The following ATP7B variants were observed in gnomAD, a reference collection of about 807,000 sequenced individuals.
ATP7B encodes the protein copper-transporting ATPase 2.
In ATP7B, 113 loss-of-function variants were observed where a neutral mutation model predicts 118.9. The observed-to-expected ratio is 0.95, with a 90% CI of 0.82 to 1.11. ATP7B has a LOEUF of 1.11. ATP7B is among the 50% of genes most tolerant of loss of function. The pLI, the probability that ATP7B is intolerant of heterozygous loss-of-function variation, is 0.00. For missense variants in ATP7B, 1,867 were observed against 1,871.4 expected, an observed-to-expected ratio of 1.00 and a Z score of 0.04; for synonymous variants, 777 against 727.4, an observed-to-expected ratio of 1.07 and a Z score of -1.10.
At position 51,968,485 on chromosome 13, in the gene ATP7B, T is replaced by G. The variant is rs200212457; in HGVS notation, c.1666A>C (p.Met556Leu). 3 of 1,614,194 alleles carry G rather than the reference T, an allele frequency of 1.9e-6. No individual in the cohort carries two copies. In the South Asian group the frequency reaches 3.3e-5, roughly 18 times the overall value. Residue 556 changes from methionine (M) to leucine (L), a missense_variant, in exon 4 of 21, where the codon ATG becomes CTG. Physicochemically the swap from Met to Leu is conservative, Grantham distance 15. Transcript: ENST00000242839. ...CCATCGGAGCCTGCGTAGTCCTCCATGACTGCTGCCTCAAAACCCAGGTCC... is the reference window on the plus strand; with the variant it reads ...CCATCGGAGCCTGCGTAGTCCTCCAGGACTGCTGCCTCAAAACCCAGGTCC... ...IQDLGFEAAV[M>L]EDYAGSDGNI...
At chr13:51,972,309 C>T (rs141190476) in intron 2 of ATP7B, among the ~76,000 whole-genome samples, 376 of 152,282 alleles carry the variant, frequency 2.5e-3, no homozygotes, top group Middle Eastern at 6.8e-3. Context: ...TTGGCCTCTG[C>T]GGCTCGCATT....
At chr13:51,979,698 T>C (rs1024960465) in intron 1 of ATP7B, among the ~76,000 whole-genome samples, 8 of 152,214 alleles carry the variant, frequency 5.3e-5, no homozygotes, top group African/African-American at 1.9e-4. Context: ...ATCTAGTTTG[T>C]TGGAAAAACA....
In ATP7B at chr13:51,934,321, G is replaced by A; in HGVS notation, c.*435C>T. Reference sequence around the variant, plus strand: ...TAAACTGTGGTCTCAGAAACATGATGCACACAGACAGGCGTCATCAGAAAG... The same window carrying A: ...TAAACTGTGGTCTCAGAAACATGATACACACAGACAGGCGTCATCAGAAAG... On this transcript the variant is annotated 3_prime_UTR_variant, in exon 21 of 21. Coordinates refer to ENST00000242839, the MANE Select transcript of ATP7B (RefSeq NM_000053.4). 3.5e-6 allele frequency: 1 copy of A among 286,230 alleles called. No homozygotes were observed. Among genetic ancestry groups the A allele is most frequent in the South Asian group, 3.9e-5 (1 of 25,926 alleles). 17.7% of individuals were successfully genotyped at this position (286,230 alleles called of 1,614,324 possible).
intron 1 of ATP7B, among the ~76,000 whole-genome samples, chr13:51,979,747 C>T (rs929464709): frequency 3.9e-5 from 6 of 152,092 alleles, no homozygotes; most frequent in Admixed American, 3.9e-4. Flanking sequence ...TTTTGGTCCT[C>T]GCTCCAACTA....
chr13:51,960,350 A>G (rs1400660647), intron 6 of ATP7B, 28 bp from the exon 7 acceptor site: 1 of 1,608,526 alleles, frequency 6.2e-7, no homozygotes, highest in Non-Finnish European at 8.5e-7. Context: ...CAACACAGAT[A>G]TATCAGATGC....
intron 6 of ATP7B, among the ~76,000 whole-genome samples, chr13:51,961,169 T>A (rs993312296): frequency 6.7e-6 from 1 of 150,044 alleles, no homozygotes; most frequent in African/African-American, 2.5e-5. Flanking sequence ...CTGCTTGGAG[T>A]TTTCCTAGAC....
intron 12 of ATP7B, among the ~76,000 whole-genome samples, chr13:51,948,871 AT>A (rs775465262): frequency 6.6e-6 from 1 of 152,162 alleles, no homozygotes; most frequent in Non-Finnish European, 1.5e-5. Flanking sequence ...TTTAGTAAAT[AT>A]TTAACTATTA....
chr13:51,958,888 C>T, intron 7 of ATP7B: 1 of 354,422 alleles, frequency 2.8e-6, no homozygotes, highest in South Asian at 2.8e-5. Context: ...TGGGCTCTAT[C>T]TATAACCCAC....
intron 17 of ATP7B, among the ~76,000 whole-genome samples, chr13:51,938,800 G>A (rs1197339945): frequency 1.3e-5 from 2 of 152,188 alleles, no homozygotes; most frequent in Non-Finnish European, 2.9e-5. Context: ...ACTGGGAAAC[G>A]GTTAGAGAAC....
chr13:52,003,275 A>AGAATC (rs1460706573), intron 1 of ATP7B, among the ~76,000 whole-genome samples: 2 of 152,204 alleles, frequency 1.3e-5, no homozygotes, highest in African/African-American at 4.8e-5. Context: ...TTGAACACTT[A>AGAATC]GAATCCATTG....
At chr13:51,991,678 G>A (rs1566646506) in intron 1 of ATP7B, among the ~76,000 whole-genome samples, 1 of 152,136 alleles carries the variant, frequency 6.6e-6, no homozygotes, top group Non-Finnish European at 1.5e-5. Flanking sequence ...AGAGAGTTAA[G>A]GAGGGGCTAG....
chr13:51,941,214 G>T lies in ATP7B; in HGVS notation c.3423C>A (p.Pro1141=). Residue 1141 remains proline, a synonymous_variant, in exon 16 of 21, where the codon CCC becomes CCA. Transcript: ENST00000242839. Reference sequence around the variant, plus strand: ...TTCCAATCAGCACAGAGAAGGTCTGGGGGACTGCATCTATTCAAAAGAGGC... The same window carrying T: ...TTCCAATCAGCACAGAGAAGGTCTGTGGGACTGCATCTATTCAAAAGAGGC... ...GSLPAEKDAV[P]QTFSVLIGNR... 1 of 1,614,116 alleles carries T rather than the reference G, an allele frequency of 6.2e-7. No individual in the cohort carries two copies. The highest frequency in any genetic ancestry group is 8.5e-7 in the Non-Finnish European group (1 of 1,180,014).
intron 7 of ATP7B, chr13:51,959,803 C>T: frequency 3.0e-6 from 1 of 336,378 alleles, no homozygotes; most frequent in Non-Finnish European, 5.7e-6. Context: ...CTTCCAGCAA[C>T]AAACGTAAAT....
At chr13:51,940,178 A>G (rs1957245759) in intron 16 of ATP7B, among the ~76,000 whole-genome samples, 2 of 150,154 alleles carry the variant, frequency 1.3e-5, no homozygotes, top group African/African-American at 4.9e-5. Flanking sequence ...ACACCCCGCT[A>G]ATTTTTTTAT....
rs930481512 is a variant in ATP7B at position 51,932,782 on chromosome 13, T to G, written c.*1974A>C. The G allele has an allele frequency of 6.6e-6, 1 of 152,260 alleles. No individual in the cohort carries two copies. The highest frequency in any genetic ancestry group is 1.5e-5 in the Non-Finnish European group (1 of 68,044). The allele number at this position is 152,260 out of a possible 1,614,324, so 9.4% of individuals were successfully genotyped here. ...ACTTTGACCATCTAAAAGGTTATTT[T>G]CTATAAAATTATATAAATATTTCCA... On this transcript the variant is annotated 3_prime_UTR_variant, in exon 21 of 21. Coordinates refer to ENST00000242839, the MANE Select transcript of ATP7B (RefSeq NM_000053.4).
intron 9 of ATP7B, among the ~76,000 whole-genome samples, chr13:51,951,151 C>T (rs78644700): frequency 1.3e-5 from 2 of 151,658 alleles, no homozygotes; most frequent in Admixed American, 6.6e-5. Flanking sequence ...GCAGCCCAAG[C>T]GGAAGATGGA....
intron 1 of ATP7B, among the ~76,000 whole-genome samples, chr13:51,989,403 C>A (rs1040838951): frequency 3.9e-5 from 6 of 152,112 alleles, no homozygotes; most frequent in Non-Finnish European, 5.9e-5. Context: ...CTTCTGAGGA[C>A]AGACTGTAAA....
intron 1 of ATP7B, among the ~76,000 whole-genome samples, chr13:52,001,864 C>T (rs1473867334): frequency 6.6e-6 from 1 of 152,110 alleles, no homozygotes; most frequent in East Asian, 1.9e-4. Context: ...GATCTTGGCT[C>T]ACTGCAGCCT....
Position 51,946,343 on chromosome 13 carries a change from C to A in ATP7B, c.3001G>T (p.Val1001Leu). Residue 1001 changes from valine (V) to leucine (L), a missense_variant, in exon 13 of 21, where the codon GTG becomes TTG. Transcript: ENST00000242839. The part of the protein sequence containing the change: ...TPTAVMVGTG[V>L]AAQNGILIKG... ...ATGAGGATGCCGTTCTGCGCGGCCA[C>A]CCCGGTGCCCACCATGACAGCCGTG... 1 of 1,610,970 alleles carries A rather than the reference C, an allele frequency of 6.2e-7. No homozygotes were observed. The highest frequency in any genetic ancestry group is 8.5e-7 in the Non-Finnish European group (1 of 1,179,050).
Sources: allele counts gnomAD v4.1 joint callset (sites outside exome capture counted in the v4.1 genomes callset), GRCh38; gene constraint gnomAD v4.1.1; transcripts MANE v1.5; gene names NCBI Gene and HGNC (gene_info 2026-07-23, HGNC 2026-07-21).